The following CBFA2T2 variants were observed in gnomAD, a reference collection of about 807,000 sequenced individuals.
CBFA2T2 encodes CBFA2/RUNX1 partner transcriptional co-repressor 2.
Under a neutral mutation model 62.2 loss-of-function variants are expected in CBFA2T2, and 11 were observed. The ratio of observed to expected loss-of-function variants is 0.18; its 90% CI spans 0.11 to 0.29. The LOEUF (loss-of-function observed/expected upper bound fraction) is 0.29, where lower values mean the gene tolerates loss of function less well. Among genes scored for constraint, CBFA2T2 ranks in the 10% least tolerant of loss-of-function variants. CBFA2T2 has a pLI of 1.00. For missense variants in CBFA2T2, 592 were observed against 774.1 expected, an observed-to-expected ratio of 0.76 and a Z score of 2.79; for synonymous variants, 295 against 287.5, an observed-to-expected ratio of 1.03 and a Z score of -0.27.
At chr20:33,522,468 C>T (rs1194152037) in intron 1 of CBFA2T2, among the ~76,000 whole-genome samples, 1 of 147,934 alleles carries the variant, frequency 6.8e-6, no homozygotes, top group Non-Finnish European at 1.5e-5. Flanking sequence ...TGACTCATGC[C>T]TGTACTCTCA....
At chr20:33,589,685 A>G (rs1286300224) in intron 1 of CBFA2T2, among the ~76,000 whole-genome samples, 6 of 152,272 alleles carry the variant, frequency 3.9e-5, no homozygotes, top group African/African-American at 1.4e-4. Context: ...AAATATCCCC[A>G]CTATCAGAGA....
chr20:33,494,261 ATATATATATATATTTTTTTT>A (rs2011173618), intron 1 of CBFA2T2, among the ~76,000 whole-genome samples: 1 of 70,678 alleles, frequency 1.4e-5, no homozygotes, highest in Admixed American at 2.1e-4. Flanking sequence ...ATATATATAT[ATATATATATATATTTTTTTT>A]TTTTTTTTTT....
intron 1 of CBFA2T2, among the ~76,000 whole-genome samples, chr20:33,525,346 C>T (rs1009248324): frequency 6.6e-6 from 1 of 151,462 alleles, no homozygotes; most frequent in African/African-American, 2.4e-5. Context: ...GCCACCATGC[C>T]CGGCTAATTT....
At position 33,561,066 on chromosome 20, in the gene CBFA2T2, CAG is replaced by C. The variant is rs530345945; in HGVS notation, c.35-45889_35-45888del. 1.8e-3 allele frequency among the ~76,000 whole-genome samples: 277 copies of C among 152,244 alleles called. 1 individual carries two copies. Among genetic ancestry groups the C allele is most frequent in the African/African-American group, 6.4e-3 (265 of 41,550 alleles). ...CTAATTTTTGTGTTTTTAGTAGAGA[CAG>C]GGTTTCACCATGTTGGCCAGGATGG... is the stretch of plus-strand genomic sequence containing the variant. On this transcript the variant is annotated intron_variant, in intron 1 of 10. Coordinates refer to ENST00000342704, the MANE Select transcript of CBFA2T2 (RefSeq NM_001032999.3).
Position 33,611,245 on chromosome 20 carries a change from G to A in CBFA2T2, c.330G>A (p.Leu110=). 6.2e-7 allele frequency: 1 copy of A among 1,614,176 alleles called. No individual in the cohort carries two copies. The highest frequency in any genetic ancestry group is 1.1e-5 in the South Asian group (1 of 91,086). ...GTGGTGCTCGACAACTCAGCAAGTT[G>A]AAACGCTTTCTTACCACTCTGCAAC... The part of the protein sequence containing the change: ...ATCGARQLSK[L]KRFLTTLQQF... Residue 110 remains leucine (L), a synonymous_variant, in exon 3 of 11, where the codon TTG becomes TTA. Coordinates refer to ENST00000342704, the MANE Select transcript of CBFA2T2 (RefSeq NM_001032999.3).
At chr20:33,610,010 C>T (rs540985652) in intron 2 of CBFA2T2, among the ~76,000 whole-genome samples, 29 of 152,228 alleles carry the variant, frequency 1.9e-4, no homozygotes, top group African/African-American at 4.6e-4. Context: ...GTGCCAGGCA[C>T]GGTGGCTCAT....
chr20:33,559,172 CTTTTTTTTTT>C (rs376048540), intron 1 of CBFA2T2, among the ~76,000 whole-genome samples: 7 of 87,626 alleles, frequency 8.0e-5, no homozygotes, highest in Admixed American at 1.5e-4. Context: ...TTTTTCCTTT[CTTTTTTTTTT>C]TTTTTTTTTT....
At chr20:33,578,707 CT>C (rs2013953197) in intron 1 of CBFA2T2, among the ~76,000 whole-genome samples, 1 of 152,174 alleles carries the variant, frequency 6.6e-6, no homozygotes, top group African/African-American at 2.4e-5. Context: ...AAAATTGTTA[CT>C]TTGGCATAAG....
intron 1 of CBFA2T2, among the ~76,000 whole-genome samples, chr20:33,548,053 G>T (rs968687606): frequency 2.0e-5 from 3 of 151,864 alleles, no homozygotes; most frequent in African/African-American, 7.3e-5. Context: ...TTACAGGCAT[G>T]AGCCACTGGA....
At chr20:33,614,057 G>T (rs2015618522) in intron 3 of CBFA2T2, among the ~76,000 whole-genome samples, 2 of 151,594 alleles carry the variant, frequency 1.3e-5, no homozygotes, top group Admixed American at 1.3e-4. Context: ...GGAGCTTGCA[G>T]TGAGCCAAGA....
At chr20:33,548,407 C>T (rs1001446897) in intron 1 of CBFA2T2, among the ~76,000 whole-genome samples, 6 of 151,808 alleles carry the variant, frequency 4.0e-5, no homozygotes, top group Non-Finnish European at 8.8e-5. Flanking sequence ...CCGCACCTGG[C>T]TAATTTTTGT....
intron 1 of CBFA2T2, among the ~76,000 whole-genome samples, chr20:33,580,653 C>G (rs898103948): frequency 3.3e-5 from 5 of 152,100 alleles, no homozygotes; most frequent in Non-Finnish European, 4.4e-5. Flanking sequence ...CAATTCGAGA[C>G]CAGCCTGTGC....
intron 9 of CBFA2T2, among the ~76,000 whole-genome samples, chr20:33,636,959 G>A (rs1007988414): frequency 1.3e-5 from 2 of 152,172 alleles, no homozygotes; most frequent in Admixed American, 6.6e-5. Flanking sequence ...ACTGGGTCAC[G>A]CTGAGGCAAT....
intron 1 of CBFA2T2, among the ~76,000 whole-genome samples, chr20:33,494,956 A>C (rs1252858020): frequency 1.3e-5 from 2 of 152,226 alleles, no homozygotes; most frequent in Non-Finnish European, 2.9e-5. Flanking sequence ...GGTAAAATAA[A>C]TGGAAGTAGC....
intron 8 of CBFA2T2, among the ~76,000 whole-genome samples, chr20:33,631,856 A>G (rs894407882): frequency 1.6e-4 from 24 of 152,142 alleles, no homozygotes; most frequent in African/African-American, 5.1e-4. Flanking sequence ...TGTTTATCTC[A>G]TGTTTATTAC....
intron 1 of CBFA2T2, among the ~76,000 whole-genome samples, chr20:33,528,898 A>G (rs533142135): frequency 6.6e-6 from 1 of 152,222 alleles, no homozygotes; most frequent in South Asian, 2.1e-4. Context: ...AACTTAATCC[A>G]TCTGTTCCAG....
intron 2 of CBFA2T2, 80 bp from the exon 3 acceptor site, chr20:33,611,014 A>T: frequency 6.4e-7 from 1 of 1,570,124 alleles, no homozygotes; most frequent in Non-Finnish European, 8.7e-7. Context: ...TGAACAAACG[A>T]AAATACAAAC....
chr20:33,606,643 A>C (rs1365534291), intron 1 of CBFA2T2, among the ~76,000 whole-genome samples: 2 of 151,728 alleles, frequency 1.3e-5, no homozygotes, highest in African/African-American at 2.4e-5. Context: ...CCCTCTGTGT[A>C]TGTCTCTGTG....
chr20:33,520,941 CAT>C (rs1455582027), intron 1 of CBFA2T2, among the ~76,000 whole-genome samples: 1 of 149,028 alleles, frequency 6.7e-6, no homozygotes, highest in Non-Finnish European at 1.5e-5. Flanking sequence ...CCTGCCATCA[CAT>C]ACACACACAC....
Sources: gnomAD v4.1 joint callset for allele counts (sites outside exome capture counted in the v4.1 genomes callset) on GRCh38, gnomAD v4.1.1 for gene constraint, MANE v1.5 for transcripts, NCBI Gene and HGNC (gene_info 2026-07-23, HGNC 2026-07-21) for gene names.